Variants in NUDC observed in about 807,000 individuals in gnomAD.
NUDC encodes the protein nuclear distribution C, dynein complex regulator.
In NUDC, 14 loss-of-function variants were observed where a neutral mutation model predicts 45.0. The observed-to-expected ratio is 0.31, with a 90% CI of 0.21 to 0.49. The LOEUF (loss-of-function observed/expected upper bound fraction) is 0.49. Ranked by LOEUF, NUDC falls within the 20% of genes least tolerant of loss-of-function variation. The pLI is 0.99. For missense variants in NUDC, 323 were observed against 426.2 expected (o/e 0.76, Z 2.13); for synonymous variants, 153 against 156.7 (o/e 0.98, Z 0.17).
chr1:26,910,783 A>G (rs2082022240), intron 2 of NUDC, among the ~76,000 whole-genome samples: 1 of 152,266 alleles, frequency 6.6e-6, no homozygotes, highest in Non-Finnish European at 1.5e-5. Context: ...TTGACCAGTC[A>G]GAATAGACAC....
chr1:26,912,478 T>G (rs2082034363), intron 3 of NUDC, among the ~76,000 whole-genome samples: 1 of 152,170 alleles, frequency 6.6e-6, no homozygotes, highest in African/African-American at 2.4e-5. Flanking sequence ...AACTAGTATA[T>G]GTAAAACCCT....
intron 2 of NUDC, among the ~76,000 whole-genome samples, chr1:26,909,037 C>A (rs2082014261): frequency 6.6e-6 from 1 of 151,866 alleles, no homozygotes; most frequent in Non-Finnish European, 1.5e-5. Context: ...TGCAGTGGTG[C>A]GATCTCGGCT....
chr1:26,921,953 C>T, intron 1 of NUDC, 24 bp downstream of exon 1: 3 of 1,547,762 alleles, frequency 1.9e-6, no homozygotes, highest in Non-Finnish European at 2.6e-6. Context: ...CGGCGTCGGC[C>T]CACCCGGCGG....
intron 2 of NUDC, among the ~76,000 whole-genome samples, chr1:26,938,972 A>G (rs896627299): frequency 6.6e-6 from 1 of 152,180 alleles, no homozygotes; most frequent in Non-Finnish European, 1.5e-5. Context: ...GGGATGAGAC[A>G]TTCTAGGCAA....
At chr1:26,937,470 C>T (rs947017007) in intron 2 of NUDC, among the ~76,000 whole-genome samples, 1 of 151,924 alleles carries the variant, frequency 6.6e-6, no homozygotes, top group Non-Finnish European at 1.5e-5. Flanking sequence ...TTGGTATAGA[C>T]GGGGTCTCAC....
Position 26,911,880 on chromosome 1 carries a change from C to T in NUDC, c.93+645C>T, listed in dbSNP as rs766840093. On this transcript the variant is annotated intron_variant, in intron 3 of 6. Transcript: ENST00000435827. ...AAAAGCATGTCCCCAAGAAGGCCAGCGATGTCAACATCTCCAATGATAGGG... is the reference window on the plus strand; with the variant it reads ...AAAAGCATGTCCCCAAGAAGGCCAGTGATGTCAACATCTCCAATGATAGGG... The T allele has an allele frequency of 1.2e-5, 19 of 1,614,164 alleles. No individual in the cohort carries two copies. Among genetic ancestry groups the T allele is most frequent in the Admixed American group, 1.7e-5 (1 of 60,026 alleles).
rs1570749288 is a variant in NUDC, at chr1:26,945,392, C to A, written c.744C>A (p.Ile248=). 1 of 1,613,894 alleles carries A rather than the reference C, an allele frequency of 6.2e-7. No individual in the cohort carries two copies. Residue 248 remains isoleucine, a splice_region_variant and synonymous_variant, in exon 7 of 9, where the codon ATC becomes ATA. Transcript: ENST00000321265. ...CCCTCTGGTTGTTCTCTTCACAGATCAATAAGATGGAGTGGTGGAGCCGCT... is the reference window on the plus strand; with the variant it reads ...CCCTCTGGTTGTTCTCTTCACAGATAAATAAGATGGAGTGGTGGAGCCGCT... The part of the protein sequence containing the change: ...GKVVTVHLEK[I]NKMEWWSRLV...
rs2124147951 is a variant in NUDC, at chr1:26,946,462, G to C, written c.*281G>C. 2.1e-6 allele frequency: 1 copy of C among 480,590 alleles called. No individual in the cohort carries two copies. The allele number at this position is 480,590 out of a possible 1,614,324, so 29.8% of individuals were successfully genotyped here. On this transcript the variant is annotated 3_prime_UTR_variant, in exon 9 of 9. Transcript: ENST00000321265. ...ACAGGCCTCTTACGGCTGCTGCTGGGAACTGGGAGTTTGGCTTCTAGCCCA... is the reference window on the plus strand; with the variant it reads ...ACAGGCCTCTTACGGCTGCTGCTGGCAACTGGGAGTTTGGCTTCTAGCCCA...
Position 26,913,720 on chromosome 1 carries a change from G to A in NUDC, c.93+2485G>A, listed in dbSNP as rs777705493. On this transcript the variant is annotated intron_variant, in intron 3 of 6. Transcript: ENST00000435827. ...CTGGGGAGGCAGCTGCCAGAAGGAT[G>A]GCAGGTTCCTGAGGAAGGCCACTGT... is the stretch of plus-strand genomic sequence containing the variant. 5.3e-5 allele frequency: 86 copies of A among 1,607,866 alleles called. No individual in the cohort carries two copies. In the Middle Eastern group the frequency reaches 9.9e-4, roughly 19 times the overall value.
In NUDC at chr1:26,913,399, G is replaced by A. The variant is rs763792091; in HGVS notation, c.93+2164G>A. On this transcript the variant is annotated intron_variant, in intron 3 of 6. Coordinates refer to the NUDC transcript ENST00000435827. ...CCTTGCCCCCCACCCAGGAGTGTCT[G>A]GGAGCTCACCGGGGTTGAAGAGGAT... 18 of 1,613,564 alleles carry A rather than the reference G, an allele frequency of 1.1e-5. No individual in the cohort carries two copies. The East Asian group carries it at 2.5e-4, about 22-fold the overall frequency.
chr1:26,934,930 T>C (rs1293717338), intron 2 of NUDC, among the ~76,000 whole-genome samples: 1 of 152,198 alleles, frequency 6.6e-6, no homozygotes, highest in South Asian at 2.1e-4. Flanking sequence ...GTGCTGGGAT[T>C]ACAGGCGTGA....
intron 2 of NUDC, among the ~76,000 whole-genome samples, chr1:26,926,173 G>T (rs1002277105): frequency 6.6e-6 from 1 of 151,934 alleles, no homozygotes; most frequent in Non-Finnish European, 1.5e-5. Flanking sequence ...GAGCCACCAC[G>T]CCCGGCGCCA....
At chr1:26,907,019 C>T (rs762416888) in intron 2 of NUDC, among the ~76,000 whole-genome samples, 5 of 152,086 alleles carry the variant, frequency 3.3e-5, no homozygotes, top group Non-Finnish European at 5.9e-5. Flanking sequence ...TTAGCATTGT[C>T]GCCTCCACCA....
chr1:26,913,423 A>T, intron 3 of NUDC: 2 of 1,613,928 alleles, frequency 1.2e-6, no homozygotes, highest in Non-Finnish European at 1.7e-6. Context: ...GTTGAAGAGG[A>T]TGGTCCCTTT....
intron 3 of NUDC, among the ~76,000 whole-genome samples, chr1:26,915,016 T>TG (rs1264703218): frequency 1.8e-3 from 268 of 146,910 alleles, no homozygotes; most frequent in African/African-American, 6.2e-3. Context: ...TATATGTATA[T>TG]TTATATGTAT....
At chr1:26,913,490 A>C (rs955880328) in intron 3 of NUDC, 1 of 1,613,742 alleles carries the variant, frequency 6.2e-7, no homozygotes, top group African/African-American at 1.3e-5. Context: ...TCCAGACAGC[A>C]TTGAAGCCAC....
chr1:26,901,322 C>T (rs541861457), intron 1 of NUDC, among the ~76,000 whole-genome samples: 3 of 151,122 alleles, frequency 2.0e-5, no homozygotes, highest in East Asian at 3.9e-4. Context: ...AACTCCAGGG[C>T]TCAAGTGATC....
chr1:26,911,707 A>C, intron 3 of NUDC: 5 of 967,780 alleles, frequency 5.2e-6, no homozygotes, highest in Non-Finnish European at 8.1e-6. Context: ...GGCTGAGTGA[A>C]GAGCTGTTCC....
intron 3 of NUDC, chr1:26,911,905 G>A: frequency 6.2e-7 from 1 of 1,614,178 alleles, no homozygotes; most frequent in Non-Finnish European, 8.5e-7. Flanking sequence ...CAATGATAGG[G>A]CGAAAGAAGA....
Sources: allele counts gnomAD v4.1 joint callset (sites outside exome capture counted in the v4.1 genomes callset), GRCh38; gene constraint gnomAD v4.1.1; transcripts MANE v1.5; gene names NCBI Gene and HGNC (gene_info 2026-07-23, HGNC 2026-07-21).